LRRC7: variants seen among roughly 807,000 people sequenced by gnomAD.
LRRC7 encodes the protein leucine rich repeat containing 7, also known as leucine-rich repeat-containing protein 7.
A neutral mutation model predicts 175.7 loss-of-function variants in LRRC7; 23 were observed. That is an observed-to-expected ratio of 0.13 (90% CI 0.09 to 0.19). The LOEUF (loss-of-function observed/expected upper bound fraction) is 0.19. Ranked by LOEUF, LRRC7 falls within the 10% of genes least tolerant of loss-of-function variation. LRRC7 has a pLI of 1.00. For synonymous variants in LRRC7, 685 were observed against 680.9 expected (o/e 1.01, Z -0.09); for missense variants, 1,354 against 1,904.7 (o/e 0.71, Z 5.38).
At chr1:69,873,204 G>T (rs1208785756) in intron 7 of LRRC7, among the ~76,000 whole-genome samples, 2 of 152,102 alleles carry the variant, frequency 1.3e-5, no homozygotes, top group Non-Finnish European at 2.9e-5. Flanking sequence ...GCTCCTTTCA[G>T]GGGGTGTGCA....
Position 69,572,930 on chromosome 1 carries a change from T to G in LRRC7, c.2+4289T>G, listed in dbSNP as rs1364419810. Among the ~76,000 whole-genome samples, 10 of 152,096 alleles carry G rather than the reference T, an allele frequency of 6.6e-5. 1 individual carries two copies. The highest frequency in any genetic ancestry group is 6.6e-4 in the Admixed American group (10 of 15,252). On this transcript the variant is annotated intron_variant, in intron 1 of 26. Transcript: ENST00000651989. ...TAGTATAATTATGTATATTATATAATGGTGTAATTAAAAGCATGCCATTTA... is the reference window on the plus strand; with the variant it reads ...TAGTATAATTATGTATATTATATAAGGGTGTAATTAAAAGCATGCCATTTA...
chr1:70,010,192 C>G (rs985081333), intron 11 of LRRC7, among the ~76,000 whole-genome samples: 2 of 152,144 alleles, frequency 1.3e-5, no homozygotes, highest in African/African-American at 2.4e-5. Context: ...CTGACTTCAA[C>G]CCATATGCTT....
chr1:70,125,683 T>TC lies in LRRC7; in HGVS notation c.*3796_*3797insC. The stretch of plus-strand genomic sequence containing the variant: ...GGCGGGCGCCTGTAGTCCCAGCTAC[T>TC]TGGGAGGCTGAGGCAGGAGAATGGC... On this transcript the variant is annotated 3_prime_UTR_variant, in exon 27 of 27. Transcript: ENST00000651989. Among the ~76,000 whole-genome samples the TC allele has an allele frequency of 6.8e-6, 1 of 146,974 alleles. No homozygotes were observed. Among genetic ancestry groups the TC allele is most frequent in the Non-Finnish European group, 1.5e-5 (1 of 66,430 alleles).
intron 26 of LRRC7, among the ~76,000 whole-genome samples, chr1:70,120,822 C>G (rs998073718): frequency 9.9e-5 from 15 of 152,008 alleles, no homozygotes; most frequent in Admixed American, 7.2e-4. Context: ...ATTACATAAC[C>G]ATCAGTCATT....
chr1:70,050,180 T>C (rs929287818), intron 22 of LRRC7, among the ~76,000 whole-genome samples: 3 of 152,032 alleles, frequency 2.0e-5, no homozygotes, highest in Admixed American at 2.0e-4. Flanking sequence ...TATATAGATA[T>C]AGAGAAAGAG....
In LRRC7 at chr1:70,039,285, C is replaced by G; in HGVS notation, c.3461C>G (p.Ala1154Gly). 6.2e-7 allele frequency: 1 copy of G among 1,613,956 alleles called. No homozygotes were observed. The highest frequency in any genetic ancestry group is 8.5e-7 in the Non-Finnish European group (1 of 1,179,994). Residue 1154 changes from alanine to glycine, a missense_variant, in exon 21 of 27, where the codon GCC (alanine) becomes GGC (glycine). Coordinates refer to ENST00000651989, the MANE Select transcript of LRRC7 (RefSeq NM_001370785.2). The part of the protein sequence containing the change: ...QGARAGFLRR[A>G]DSLVSATEMA... ...GCCAGGGCGGGCTTCCTGAGAAGGG[C>G]CGACTCCCTGGTGAGCGCCACAGAA...
At chr1:69,660,602 T>C (rs189704030) in intron 1 of LRRC7, among the ~76,000 whole-genome samples, 15 of 152,132 alleles carry the variant, frequency 9.9e-5, no homozygotes, top group Middle Eastern at 3.4e-3. Context: ...GAAAGGCCCC[T>C]GAAAAAGTAA....
At chr1:69,971,141 C>T (rs1465011053) in intron 8 of LRRC7, among the ~76,000 whole-genome samples, 2 of 152,136 alleles carry the variant, frequency 1.3e-5, no homozygotes, top group Non-Finnish European at 2.9e-5. Context: ...GTAATAAAAA[C>T]CATCTATAAC....
intron 7 of LRRC7, among the ~76,000 whole-genome samples, chr1:69,910,460 G>C (rs1485817804): frequency 6.6e-6 from 1 of 152,204 alleles, no homozygotes; most frequent in East Asian, 1.9e-4. Flanking sequence ...TCCAGACCCT[G>C]TTTGCCTGGG....
chr1:69,870,600 C>T (rs2101577113), intron 7 of LRRC7, among the ~76,000 whole-genome samples: 1 of 152,160 alleles, frequency 6.6e-6, no homozygotes, highest in South Asian at 2.1e-4. Context: ...AAGTTATTTC[C>T]TTTAAAGTTT....
chr1:69,950,810 T>C (rs1312038260), intron 8 of LRRC7, among the ~76,000 whole-genome samples: 3 of 151,682 alleles, frequency 2.0e-5, no homozygotes, highest in Non-Finnish European at 4.4e-5. Flanking sequence ...ACAAGGGAGA[T>C]GGATAAAAGA....
chr1:69,742,340 G>A (rs541517755), intron 2 of LRRC7, among the ~76,000 whole-genome samples: 7 of 151,966 alleles, frequency 4.6e-5, no homozygotes, highest in South Asian at 2.1e-4. Context: ...TAATCATCCC[G>A]CTTTATACAA....
At chr1:70,092,752 G>A (rs1231274662) in intron 25 of LRRC7, among the ~76,000 whole-genome samples, 1 of 152,134 alleles carries the variant, frequency 6.6e-6, no homozygotes, top group Non-Finnish European at 1.5e-5. Flanking sequence ...CTGGGGTAAT[G>A]TGAGATTGTT....
At position 70,021,694 on chromosome 1, in the gene LRRC7, A is replaced by G. The variant is rs1054775900; in HGVS notation, c.1545+565A>G. Among the ~76,000 whole-genome samples, 8 of 151,982 alleles carry G rather than the reference A, an allele frequency of 5.3e-5. No homozygotes were observed. The East Asian group carries it at 5.8e-4, about 11-fold the overall frequency. On this transcript the variant is annotated intron_variant, in intron 16 of 26. Transcript: ENST00000651989. ...ATGTTCCTTAGGGAACATAACTTCAATTTTTTTTACCTCAAAGTATGTTTT... is the reference window on the plus strand; with the variant it reads ...ATGTTCCTTAGGGAACATAACTTCAGTTTTTTTTACCTCAAAGTATGTTTT...
intron 3 of LRRC7, among the ~76,000 whole-genome samples, chr1:69,787,964 C>T (rs948565747): frequency 6.6e-6 from 1 of 151,856 alleles, no homozygotes; most frequent in African/African-American, 2.4e-5. Context: ...ATCCCTCCTG[C>T]CTGCCTTCCT....
chr1:69,886,816 G>A (rs1402301322), intron 7 of LRRC7, among the ~76,000 whole-genome samples: 2 of 150,380 alleles, frequency 1.3e-5, no homozygotes, highest in African/African-American at 4.9e-5. Context: ...AGGCCTGGTG[G>A]TGACAAAATC....
chr1:69,748,950 A>G (rs1470259729), intron 2 of LRRC7, among the ~76,000 whole-genome samples: 1 of 152,168 alleles, frequency 6.6e-6, no homozygotes, highest in Non-Finnish European at 1.5e-5. Flanking sequence ...CCTAATGCTT[A>G]GAAATGTGTT....
intron 4 of LRRC7, among the ~76,000 whole-genome samples, chr1:69,796,448 A>G (rs1222411165): frequency 6.6e-6 from 1 of 151,736 alleles, no homozygotes; most frequent in Non-Finnish European, 1.5e-5. Context: ...CTTCCTCCCT[A>G]CTGCTGTACC....
At position 69,805,261 on chromosome 1, in the gene LRRC7, G is replaced by A. The variant is rs115522735; in HGVS notation, c.421+13101G>A. Among the ~76,000 whole-genome samples, 557 of 151,740 alleles carry A rather than the reference G, an allele frequency of 3.7e-3. 2 individuals are homozygous for A. The highest frequency in any genetic ancestry group is 0.013 in the African/African-American group (523 of 41,464). On this transcript the variant is annotated intron_variant, in intron 4 of 26. Coordinates refer to ENST00000651989, the MANE Select transcript of LRRC7 (RefSeq NM_001370785.2). ...ATCCTCTACTTGAAGGATAGGAGGC[G>A]GACTTTTTTTCTCTCAAATAGGCTA... is the stretch of plus-strand genomic sequence containing the variant.
Sources: allele counts gnomAD v4.1 joint callset (sites outside exome capture counted in the v4.1 genomes callset), GRCh38; gene constraint gnomAD v4.1.1; transcripts MANE v1.5; gene names NCBI Gene and HGNC (gene_info 2026-07-23, HGNC 2026-07-21).